The following SERPINH1 variants were observed in gnomAD, a reference collection of about 807,000 sequenced individuals.
SERPINH1 encodes the protein serpin H1.
In SERPINH1, 22 loss-of-function variants were observed where a neutral mutation model predicts 32.3. The observed-to-expected ratio is 0.68, with a 90% CI of 0.49 to 0.97. The LOEUF (loss-of-function observed/expected upper bound fraction) is 0.97. SERPINH1 is among the 50% of genes least tolerant of loss of function. The pLI is 0.00. For synonymous variants in SERPINH1, 251 were observed against 245.9 expected (o/e 1.02, Z -0.19); for missense variants, 543 against 576.4 (o/e 0.94, Z 0.59).
chr11:75,571,196 C>T (rs970883453), intron 4 of SERPINH1, among the ~76,000 whole-genome samples: 6 of 152,142 alleles, frequency 3.9e-5, no homozygotes, highest in African/African-American at 1.4e-4. Context: ...CAGCTTCAAG[C>T]ATTATCAGCT....
intron 4 of SERPINH1, among the ~76,000 whole-genome samples, chr11:75,570,266 G>C (rs1489206249): frequency 6.6e-6 from 1 of 152,194 alleles, no homozygotes; most frequent in Non-Finnish European, 1.5e-5. Flanking sequence ...TTGCTGCCCA[G>C]AGAGCTTGGA....
chr11:75,571,005 C>T lies in SERPINH1; in HGVS notation c.955-776C>T, dbSNP rs905189506. ...CAAGGGATGTGGCTGGAGGCTGCCA[C>T]GTAGGCACAGGTCATATGTTAAAGA... On this transcript the variant is annotated intron_variant, in intron 4 of 4. Transcript: ENST00000358171. 3.3e-5 allele frequency among the ~76,000 whole-genome samples: 5 copies of T among 152,190 alleles called. No homozygotes were observed. The East Asian group carries it at 7.7e-4, about 23-fold the overall frequency.
rs958073489 is a variant in SERPINH1 at position 75,572,159 on chromosome 11, G to C, written c.*76G>C. The C allele has an allele frequency of 3.4e-6, 5 of 1,449,290 alleles. No individual in the cohort carries two copies. In the African/African-American group the frequency reaches 7.0e-5, roughly 20 times the overall value. 89.8% of individuals were successfully genotyped at this position (1,449,290 alleles called of 1,614,324 possible). On this transcript the variant is annotated 3_prime_UTR_variant, in exon 5 of 5. Transcript: ENST00000358171. ...CACATGGGTGCTATTGGGGTTGGGG[G>C]GGAGGTGAGGTACCAGCCTTGGATA...
rs780947787 is a variant in SERPINH1, at chr11:75,566,548, A to G, written c.199A>G (p.Ile67Val). 6.2e-7 allele frequency: 1 copy of G among 1,611,074 alleles called. No homozygotes were observed. The change falls in exon 2 of 5, where the codon ATC (isoleucine) becomes GTC (valine). Residue 67 changes from isoleucine (I) to valine (V), a missense_variant. This residue lies in a region of SERPINH1 where 109 missense variants were observed against 102.4 expected (regional missense o/e 1.06). Coordinates refer to ENST00000358171, the MANE Select transcript of SERPINH1 (RefSeq NM_001235.5). ...AMAKDQAVEN[I>V]LVSPVVVASS... ...GGCCAAGGACCAGGCAGTGGAGAAC[A>G]TCCTGGTGTCACCCGTGGTGGTGGC...
At position 75,572,217 on chromosome 11, in the gene SERPINH1, G is replaced by C. The variant is rs1942210937; in HGVS notation, c.*134G>C. The C allele has an allele frequency of 6.9e-6, 6 of 868,028 alleles. No homozygotes were observed. The highest frequency in any genetic ancestry group is 1.1e-5 in the Non-Finnish European group (6 of 537,710). 53.8% of individuals were successfully genotyped at this position (868,028 alleles called of 1,614,324 possible). On this transcript the variant is annotated 3_prime_UTR_variant, in exon 5 of 5. Coordinates refer to ENST00000358171, the MANE Select transcript of SERPINH1 (RefSeq NM_001235.5). ...GGGTGGGGGTGGAAAAACAGACCGG[G>C]GTTCCCGTGTGCCTGAGCGGACCTT...
chr11:75,568,399 A>G, intron 2 of SERPINH1: 1 of 412,336 alleles, frequency 2.4e-6, no homozygotes, highest in Non-Finnish European at 4.6e-6. Context: ...ACCTCAGAGC[A>G]TGTTTCCAAA....
At position 75,572,062 on chromosome 11, in the gene SERPINH1, C is replaced by G. The variant is rs200334001; in HGVS notation, c.1236C>G (p.Asp412Glu). 49 of 1,614,076 alleles carry G rather than the reference C, an allele frequency of 3.0e-5. No individual in the cohort carries two copies. The Middle Eastern group carries it at 9.9e-4, about 33-fold the overall frequency. The change falls in exon 5 of 5, where the codon GAC becomes GAG. Residue 412 changes from aspartate to glutamate, a missense_variant. Physicochemically the swap from Asp to Glu is conservative, Grantham distance 45. Coordinates refer to ENST00000358171, the MANE Select transcript of SERPINH1 (RefSeq NM_001235.5). Reference protein sequence around the residue: ...FIGRLVRPKGDKMRDEL With the variant: ...FIGRLVRPKGEKMRDEL ...GGCGCCTGGTCCGGCCTAAGGGTGA[C>G]AAGATGCGAGACGAGTTATAGGGCC...
intron 1 of SERPINH1, chr11:75,563,788 A>T (rs1942024468): frequency 6.5e-6 from 1 of 152,718 alleles, no homozygotes. Flanking sequence ...AGACCTCTCA[A>T]GTGTTTGGGA....
rs1008194909 is a variant in SERPINH1, at chr11:75,566,423, C to T, written c.74C>T (p.Ala25Val). 5.0e-6 allele frequency: 8 copies of T among 1,611,620 alleles called. No homozygotes were observed. Among genetic ancestry groups the T allele is most frequent in the Non-Finnish European group, 6.8e-6 (8 of 1,179,580 alleles). The change falls in exon 2 of 5, where the codon GCA becomes GTA. Residue 25 changes from alanine to valine, a missense_variant. Ala to Val is a moderately conservative substitution (Grantham distance 64, BLOSUM62 0). Coordinates refer to ENST00000358171, the MANE Select transcript of SERPINH1 (RefSeq NM_001235.5). ...AALAAEVKKP[A>V]AAAAPGTAEK... The stretch of plus-strand genomic sequence containing the variant: ...CTGGCCGCCGAGGTGAAGAAACCTG[C>T]AGCCGCAGCAGCTCCTGGCACTGCG...
rs568431961 is a variant in SERPINH1, at chr11:75,572,229, C to T, written c.*146C>T. ...AAAAACAGACCGGGGTTCCCGTGTG[C>T]CTGAGCGGACCTTCCCAGCTAGAAT... is the stretch of plus-strand genomic sequence containing the variant. On this transcript the variant is annotated 3_prime_UTR_variant, in exon 5 of 5. Coordinates refer to ENST00000358171, the MANE Select transcript of SERPINH1 (RefSeq NM_001235.5). The T allele has an allele frequency of 1.5e-4, 114 of 758,578 alleles. No homozygotes were observed. The highest frequency in any genetic ancestry group is 2.4e-4 in the Non-Finnish European group (108 of 442,392). The allele number at this position is 758,578 out of a possible 1,614,324, so 47.0% of individuals were successfully genotyped here.
chr11:75,572,080 A>G lies in SERPINH1; in HGVS notation c.1254A>G (p.Leu418=), dbSNP rs1319884357. Residue 418 remains leucine, a synonymous_variant, in exon 5 of 5, where the codon TTA becomes TTG. Transcript: ENST00000358171. ...RPKGDKMRDE[L] is the part of the protein sequence containing the mutation. Reference sequence around the variant, plus strand: ...AGGGTGACAAGATGCGAGACGAGTTATAGGGCCTCAGGGTGCACACAGGAT... The same window carrying G: ...AGGGTGACAAGATGCGAGACGAGTTGTAGGGCCTCAGGGTGCACACAGGAT... 6.2e-7 allele frequency: 1 copy of G among 1,613,872 alleles called. No homozygotes were observed. The highest frequency in any genetic ancestry group is 1.7e-5 in the Admixed American group (1 of 60,010).
chr11:75,568,963 A>G lies in SERPINH1; in HGVS notation c.746A>G (p.Glu249Gly), dbSNP rs777463655. The G allele has an allele frequency of 1.2e-6, 2 of 1,614,042 alleles. No individual in the cohort carries two copies. The highest frequency in any genetic ancestry group is 2.7e-5 in the African/African-American group (2 of 75,038). Residue 249 changes from glutamate to glycine, a missense_variant, in exon 4 of 5, where the codon GAG (glutamate) becomes GGG (glycine). By Grantham distance (98) the Glu-to-Gly change is moderately conservative. Transcript: ENST00000358171. The stretch of plus-strand genomic sequence containing the variant: ...GGCCTCTACAACTACTACGACGACG[A>G]GAAGGAAAAGCTGCAAATCGTGGAG... ...RTGLYNYYDD[E>G]KEKLQIVEMP...
Position 75,566,447 on chromosome 11 carries a change from CGGA to C in SERPINH1, c.100_102del (p.Glu34del). ...GCAGCCGCAGCAGCTCCTGGCACTG[CGGA>C]GAAGTTGAGCCCCAAGGCGGCCACG... is the stretch of plus-strand genomic sequence containing the variant. On this transcript the variant is annotated inframe_deletion, in exon 2 of 5. Transcript: ENST00000358171. 6.2e-7 allele frequency: 1 copy of C among 1,612,226 alleles called. No homozygotes were observed. The highest frequency in any genetic ancestry group is 8.5e-7 in the Non-Finnish European group (1 of 1,179,800).
chr11:75,564,223 C>T (rs1942034576), intron 1 of SERPINH1, among the ~76,000 whole-genome samples: 1 of 152,274 alleles, frequency 6.6e-6, no homozygotes, highest in South Asian at 2.1e-4. Context: ...CTCCTGCCTG[C>T]CACGTCACCA....
chr11:75,569,733 T>TTAAA (rs1208488526), intron 4 of SERPINH1, among the ~76,000 whole-genome samples: 1 of 152,194 alleles, frequency 6.6e-6, no homozygotes, highest in African/African-American at 2.4e-5. Context: ...TTTATACGTA[T>TTAAA]TAAACTCTTT....
intron 1 of SERPINH1, among the ~76,000 whole-genome samples, chr11:75,564,701 C>T (rs1411687848): frequency 6.6e-6 from 1 of 152,140 alleles, no homozygotes; most frequent in Non-Finnish European, 1.5e-5. Context: ...GGGTGAGACT[C>T]AGATCTCCCC....
intron 4 of SERPINH1, among the ~76,000 whole-genome samples, chr11:75,569,698 C>G (rs955816374): frequency 4.1e-4 from 62 of 152,326 alleles, no homozygotes; most frequent in African/African-American, 1.4e-3. Flanking sequence ...GCTGGGATTA[C>G]AGGTGTGAGC....
At position 75,568,729 on chromosome 11, in the gene SERPINH1, A is replaced by T; in HGVS notation, c.623-2A>T. 2 of 1,611,228 alleles carry T rather than the reference A, an allele frequency of 1.2e-6. No individual in the cohort carries two copies. The highest frequency in any genetic ancestry group is 1.7e-6 in the Non-Finnish European group (2 of 1,178,546). On this transcript the variant is annotated splice_acceptor_variant, in intron 2 of 4. Transcript: ENST00000358171. LOFTEE classifies it high-confidence loss of function. ...TGACCCTGTGTTTTGCCCCAACTAC[A>T]GCACACTGGGATGAGAAATTCCACC...
Position 75,572,174 on chromosome 11 carries a change from A to T in SERPINH1, c.*91A>T. ...GGGGTTGGGGGGGAGGTGAGGTACC[A>T]GCCTTGGATACTCCATGGGGTGGGG... On this transcript the variant is annotated 3_prime_UTR_variant, in exon 5 of 5. Transcript: ENST00000358171. 2.4e-6 allele frequency: 3 copies of T among 1,236,454 alleles called. No homozygotes were observed. Among genetic ancestry groups the T allele is most frequent in the Non-Finnish European group, 3.5e-6 (3 of 860,160 alleles). The allele number at this position is 1,236,454 out of a possible 1,614,324, so 76.6% of individuals were successfully genotyped here.
Sources: gnomAD v4.1 joint callset for allele counts (sites outside exome capture counted in the v4.1 genomes callset) on GRCh38, gnomAD v4.1.1 for gene constraint, gnomAD v4.1.1 regional missense constraint, MANE v1.5 for transcripts, NCBI Gene and HGNC (gene_info 2026-07-23, HGNC 2026-07-21) for gene names.